ADAMTS6: variants seen among roughly 807,000 people sequenced by gnomAD.
ADAMTS6 encodes ADAM metallopeptidase with thrombospondin type 1 motif 6.
A neutral mutation model predicts 144.3 loss-of-function variants in ADAMTS6; 23 were observed. The ratio of observed to expected loss-of-function variants is 0.16; its 90% CI spans 0.11 to 0.23. The LOEUF is 0.23. ADAMTS6 is among the 10% of genes least tolerant of loss of function. The pLI, the probability that ADAMTS6 is intolerant of heterozygous loss-of-function variation, is 1.00. For synonymous variants in ADAMTS6, 444 were observed against 457.5 expected (o/e 0.97, Z 0.38); for missense variants, 999 against 1,379.6 (o/e 0.72, Z 4.37).
intron 22 of ADAMTS6, among the ~76,000 whole-genome samples, chr5:65,176,696 T>C (rs1007318968): frequency 1.3e-5 from 2 of 152,212 alleles, no homozygotes; most frequent in Non-Finnish European, 2.9e-5. Flanking sequence ...ACATTAAAAA[T>C]TGAATAAATG....
At chr5:65,403,560 A>AT in intron 7 of ADAMTS6, among the ~76,000 whole-genome samples, 1 of 152,054 alleles carries the variant, frequency 6.6e-6, no homozygotes. Context: ...AAACTTTCAC[A>AT]TTTTCATTTA....
At chr5:65,162,619 C>CCA (rs1752844223) in intron 24 of ADAMTS6, among the ~76,000 whole-genome samples, 1 of 64,628 alleles carries the variant, frequency 1.5e-5, no homozygotes, top group Admixed American at 2.1e-4. Flanking sequence ...ATATAAGATA[C>CCA]TACACACACA....
At position 65,473,662 on chromosome 5, in the gene ADAMTS6, C is replaced by T. The variant is rs770635438; in HGVS notation, c.12G>A (p.Leu4=). The T allele has an allele frequency of 8.1e-6, 13 of 1,613,484 alleles. No homozygotes were observed. In the East Asian group the frequency reaches 2.9e-4, roughly 36 times the overall value. The change falls in exon 2 of 25, where the codon TTG becomes TTA. Residue 4 remains leucine (L), a synonymous_variant. Transcript: ENST00000381055. MEI[L]WKTLTWILSL... ...TCAAAATCCAGGTCAACGTCTTCCACAAAATTTCCATAATTTAGAAAACTG... is the reference window on the plus strand; with the variant it reads ...TCAAAATCCAGGTCAACGTCTTCCATAAAATTTCCATAATTTAGAAAACTG...
At chr5:65,335,845 T>C (rs1261524195) in intron 7 of ADAMTS6, among the ~76,000 whole-genome samples, 1 of 151,768 alleles carries the variant, frequency 6.6e-6, no homozygotes, top group East Asian at 1.9e-4. Flanking sequence ...AAACAAAATA[T>C]AGAAATACAG....
chr5:65,427,790 T>A, intron 7 of ADAMTS6, among the ~76,000 whole-genome samples: 1 of 143,668 alleles, frequency 7.0e-6, no homozygotes. Context: ...AGAGCAAGAC[T>A]CGGTCTCAAA....
chr5:65,249,062 TTAGA>T (rs1368515866), intron 14 of ADAMTS6, among the ~76,000 whole-genome samples: 1 of 152,012 alleles, frequency 6.6e-6, no homozygotes, highest in Non-Finnish European at 1.5e-5. Flanking sequence ...TTACAGGTAG[TTAGA>T]TAGGCATGAG....
chr5:65,302,299 T>C (rs985288976), intron 9 of ADAMTS6, among the ~76,000 whole-genome samples: 1 of 144,746 alleles, frequency 6.9e-6, no homozygotes, highest in Non-Finnish European at 1.5e-5. Context: ...TAATATATAA[T>C]ATATAATTAT....
rs924391014 is a variant in ADAMTS6 at position 65,151,563 on chromosome 5, C to T, written c.*273G>A. On this transcript the variant is annotated 3_prime_UTR_variant, in exon 25 of 25. Coordinates refer to ENST00000381055, the MANE Select transcript of ADAMTS6 (RefSeq NM_197941.4). Reference sequence around the variant, plus strand: ...TTGGATTTACTCGAAAGAACACAAACGCTCCACAGTAAGCAAGTCTCCCTG... The same window carrying T: ...TTGGATTTACTCGAAAGAACACAAATGCTCCACAGTAAGCAAGTCTCCCTG... 11 of 377,498 alleles carry T rather than the reference C, an allele frequency of 2.9e-5. No homozygotes were observed. The South Asian group carries it at 3.0e-4, about 10-fold the overall frequency. 23.4% of individuals were successfully genotyped at this position (377,498 alleles called of 1,614,324 possible).
chr5:65,451,217 T>C (rs1196297948), intron 7 of ADAMTS6: 2 of 320,402 alleles, frequency 6.2e-6, no homozygotes, highest in Non-Finnish European at 1.1e-5. Context: ...TTAAATATTA[T>C]GAATAGAACT....
At chr5:65,447,092 C>A (rs1321793318) in intron 7 of ADAMTS6, among the ~76,000 whole-genome samples, 2 of 152,018 alleles carry the variant, frequency 1.3e-5, no homozygotes, top group African/African-American at 4.8e-5. Context: ...GGAGAGAAAG[C>A]CAAGAAATAT....
At chr5:65,303,502 A>G (rs1313637952) in intron 9 of ADAMTS6, among the ~76,000 whole-genome samples, 5 of 152,098 alleles carry the variant, frequency 3.3e-5, no homozygotes, top group African/African-American at 1.2e-4. Flanking sequence ...TCAGTCACTG[A>G]AACTAATAAT....
chr5:65,354,415 T>C (rs1749136833), intron 7 of ADAMTS6, among the ~76,000 whole-genome samples: 1 of 151,764 alleles, frequency 6.6e-6, no homozygotes, highest in South Asian at 2.1e-4. Flanking sequence ...ACAAATAATG[T>C]ATATATACAT....
chr5:65,177,394 C>T (rs1269360215), intron 22 of ADAMTS6, among the ~76,000 whole-genome samples: 2 of 152,058 alleles, frequency 1.3e-5, no homozygotes, highest in Admixed American at 6.6e-5. Context: ...CTTGTTATAC[C>T]CTGTGGGGAC....
At chr5:65,387,932 C>T (rs1341254766) in intron 7 of ADAMTS6, among the ~76,000 whole-genome samples, 1 of 152,046 alleles carries the variant, frequency 6.6e-6, no homozygotes, top group East Asian at 1.9e-4. Flanking sequence ...TACAATAGGC[C>T]GGGCACGGTG....
intron 10 of ADAMTS6, among the ~76,000 whole-genome samples, chr5:65,296,071 A>C (rs1313863880): frequency 1.3e-5 from 2 of 152,168 alleles, no homozygotes. Flanking sequence ...GTTATACCAT[A>C]AAATATGAAT....
intron 7 of ADAMTS6, among the ~76,000 whole-genome samples, chr5:65,432,727 C>T (rs1757090649): frequency 6.6e-6 from 1 of 152,042 alleles, no homozygotes; most frequent in South Asian, 2.1e-4. Context: ...ACTTTGTTTG[C>T]TTGTTTTACT....
At chr5:65,343,213 C>T (rs1475913461) in intron 7 of ADAMTS6, among the ~76,000 whole-genome samples, 1 of 151,826 alleles carries the variant, frequency 6.6e-6, no homozygotes, top group Non-Finnish European at 1.5e-5. Flanking sequence ...TGTAAGAAAC[C>T]ACAAAAGACC....
At chr5:65,210,416 A>T (rs58335637) in intron 20 of ADAMTS6, 20,286 of 179,052 alleles carry the variant, frequency 0.11, 1,480 homozygotes, top group African/African-American at 0.21. Flanking sequence ...GCGCCACTGC[A>T]CTCCAGCCTG....
chr5:65,326,600 G>T (rs942076557), intron 9 of ADAMTS6, among the ~76,000 whole-genome samples: 4 of 152,122 alleles, frequency 2.6e-5, no homozygotes, highest in African/African-American at 9.7e-5. Context: ...CTCAGTAGGG[G>T]CTCTTCTCAG....
Sources: allele counts gnomAD v4.1 joint callset (sites outside exome capture counted in the v4.1 genomes callset), GRCh38; gene constraint gnomAD v4.1.1; transcripts MANE v1.5; gene names NCBI Gene and HGNC (gene_info 2026-07-23, HGNC 2026-07-21).